KDM4C: variants seen among roughly 807,000 people sequenced by gnomAD.
The protein encoded by KDM4C is lysine demethylase 4C, also known as lysine-specific demethylase 4C.
Under a neutral mutation model 129.3 loss-of-function variants are expected in KDM4C, and 81 were observed. The observed-to-expected ratio is 0.63, with a 90% CI of 0.52 to 0.75. KDM4C has a LOEUF of 0.75. Among genes scored for constraint, KDM4C ranks in the 30% least tolerant of loss-of-function variants. The pLI is 0.00. For missense variants in KDM4C, 1,457 were observed against 1,304.0 expected, an observed-to-expected ratio of 1.12 and a Z score of -1.81; for synonymous variants, 573 against 456.1, an observed-to-expected ratio of 1.26 and a Z score of -3.26.
intron 8 of KDM4C, among the ~76,000 whole-genome samples, chr9:6,916,696 T>A (rs1002326941): frequency 6.6e-6 from 1 of 152,246 alleles, no homozygotes; most frequent in South Asian, 2.1e-4. Flanking sequence ...CAGTTCTAAC[T>A]TACAAAGAGA....
At chr9:6,895,819 A>G (rs993132830) in intron 8 of KDM4C, among the ~76,000 whole-genome samples, 1 of 152,244 alleles carries the variant, frequency 6.6e-6, no homozygotes, top group African/African-American at 2.4e-5. Context: ...AAACAGGAAA[A>G]TAACTTTATA....
At chr9:6,911,425 A>G (rs1186353347) in intron 8 of KDM4C, among the ~76,000 whole-genome samples, 1 of 152,246 alleles carries the variant, frequency 6.6e-6, no homozygotes, top group Non-Finnish European at 1.5e-5. Flanking sequence ...GATATTTGTA[A>G]TGATGACTGT....
At chr9:7,110,785 T>C (rs1019249878) in intron 18 of KDM4C, among the ~76,000 whole-genome samples, 2 of 152,198 alleles carry the variant, frequency 1.3e-5, no homozygotes, top group Admixed American at 1.3e-4. Flanking sequence ...ATCCCAAGAT[T>C]TTTAAACCGA....
chr9:6,911,271 G>A (rs966232947), intron 8 of KDM4C, among the ~76,000 whole-genome samples: 7 of 152,042 alleles, frequency 4.6e-5, no homozygotes, highest in African/African-American at 1.7e-4. Context: ...AAGACAAGAA[G>A]GTAGAAAATG....
Position 6,990,460 on chromosome 9 carries a change from A to G in KDM4C, c.1722A>G (p.Pro574=), listed in dbSNP as rs763995307. ...AAACCTCTAAGAGTTGGCGCCATCC[A>G]CTTAGCAGGCCTCCAGCAAGATCTC... ...ENKTSKSWRH[P]LSRPPARSPM... Residue 574 remains proline (P), a synonymous_variant, in exon 12 of 22, where the codon CCA becomes CCG. Transcript: ENST00000381309. 4 of 1,613,564 alleles carry G rather than the reference A, an allele frequency of 2.5e-6. No individual in the cohort carries two copies. Among genetic ancestry groups the G allele is most frequent in the African/African-American group, 2.7e-5 (2 of 74,796 alleles).
At chr9:6,855,192 G>A (rs1477750371) in intron 5 of KDM4C, among the ~76,000 whole-genome samples, 2 of 152,128 alleles carry the variant, frequency 1.3e-5, no homozygotes, top group Non-Finnish European at 2.9e-5. Context: ...CAGGCGCTGA[G>A]GCTCATGCCT....
At chr9:6,735,890 G>T (rs1443222601) in intron 1 of KDM4C, among the ~76,000 whole-genome samples, 2 of 152,182 alleles carry the variant, frequency 1.3e-5, no homozygotes, top group Non-Finnish European at 2.9e-5. Context: ...ATGTGGGAAA[G>T]TTTGGCACTC....
intron 12 of KDM4C, among the ~76,000 whole-genome samples, chr9:7,003,920 C>G (rs146903238): frequency 1.4e-4 from 21 of 152,272 alleles, no homozygotes; most frequent in African/African-American, 4.6e-4. Context: ...ACTACACCCC[C>G]CATTCCCTGC....
At chr9:6,871,737 A>G (rs1370548996) in intron 5 of KDM4C, among the ~76,000 whole-genome samples, 5 of 152,202 alleles carry the variant, frequency 3.3e-5, no homozygotes, top group Admixed American at 1.3e-4. Flanking sequence ...ATTGTGTCCC[A>G]TAATTTAGGG....
intron 8 of KDM4C, among the ~76,000 whole-genome samples, chr9:6,971,114 G>A (rs1369754931): frequency 2.0e-5 from 3 of 152,152 alleles, no homozygotes; most frequent in Non-Finnish European, 4.4e-5. Context: ...AGCCACATCT[G>A]AAGAAATAAG....
chr9:6,751,196 A>C (rs1818053467), intron 1 of KDM4C, among the ~76,000 whole-genome samples: 1 of 152,216 alleles, frequency 6.6e-6, no homozygotes, highest in Non-Finnish European at 1.5e-5. Flanking sequence ...CTGTAATCCC[A>C]GCACTTTGGG....
In KDM4C at chr9:7,085,940, G is replaced by C. The variant is rs565022696; in HGVS notation, c.2425-17745G>C. On this transcript the variant is annotated intron_variant, in intron 17 of 21. Coordinates refer to ENST00000381309, the MANE Select transcript of KDM4C (RefSeq NM_015061.6). Reference sequence around the variant, plus strand: ...GGAGGCCGAGGCAGGTGGATCGCCTGAAGTCAGGAGTTCGAGACCAGCCTG... The same window carrying C: ...GGAGGCCGAGGCAGGTGGATCGCCTCAAGTCAGGAGTTCGAGACCAGCCTG... 1.8e-4 allele frequency among the ~76,000 whole-genome samples: 27 copies of C among 152,248 alleles called. No individual in the cohort carries two copies. The South Asian group carries it at 4.2e-3, about 23-fold the overall frequency.
intron 16 of KDM4C, among the ~76,000 whole-genome samples, chr9:7,048,373 AG>A (rs1476163421): frequency 6.6e-6 from 1 of 152,108 alleles, no homozygotes; most frequent in Non-Finnish European, 1.5e-5. Context: ...GCTTAAAAAT[AG>A]GTTGATGGAT....
At chr9:6,943,963 A>G (rs1826423327) in intron 8 of KDM4C, among the ~76,000 whole-genome samples, 1 of 152,164 alleles carries the variant, frequency 6.6e-6, no homozygotes, top group African/African-American at 2.4e-5. Context: ...CTCCAGACAG[A>G]CTTTTACCTG....
In KDM4C at chr9:6,757,999, C is replaced by T. The variant is rs1488957930; in HGVS notation, c.-222C>T. 5.3e-5 allele frequency: 52 copies of T among 985,296 alleles called. No homozygotes were observed. Among genetic ancestry groups the T allele is most frequent in the Non-Finnish European group, 6.3e-5 (52 of 829,928 alleles). The allele number at this position is 985,296 out of a possible 1,614,324, so 61.0% of individuals were successfully genotyped here. A position where few individuals can be genotyped will look rare whatever the true frequency, so the allele number is the denominator to read the frequency against. The stretch of plus-strand genomic sequence containing the variant: ...GAGCCGGCGGTGCGCGCGCCTTCGC[C>T]GCTGCCTCCCACCCACCCCCTCGAC... On this transcript the variant is annotated 5_prime_UTR_variant, in exon 1 of 22. Transcript: ENST00000381309.
chr9:6,720,915 C>G, exon 1 of KDM4C: 1 of 1,545,882 alleles, frequency 6.5e-7, no homozygotes, highest in Non-Finnish European at 8.8e-7. Flanking sequence ...TTGGAGTGTT[C>G]TGCATTCATG....
chr9:6,754,427 G>A (rs1442771990), upstream of KDM4C, among the ~76,000 whole-genome samples: 1 of 151,928 alleles, frequency 6.6e-6, no homozygotes, highest in Non-Finnish European at 1.5e-5. Flanking sequence ...TATCTAGGCT[G>A]GTCTTGAACT....
Position 7,128,074 on chromosome 9 carries a change from G to A in KDM4C, c.2619G>A (p.Lys873=), listed in dbSNP as rs1840210832. 6.4e-7 allele frequency: 1 copy of A among 1,561,212 alleles called. No individual in the cohort carries two copies. Among genetic ancestry groups the A allele is most frequent in the Admixed American group, 1.9e-5 (1 of 53,542 alleles). Residue 873 remains lysine, a synonymous_variant, in exon 19 of 22, where the codon AAG becomes AAA. Coordinates refer to ENST00000381309, the MANE Select transcript of KDM4C (RefSeq NM_015061.6). ...TGTGTCCCTTCTTTTAGAAGTCCAA[G>A]GCTTGCGAGAAGGTCATTTCCGTGG... The part of the protein sequence containing the change: ...RHKVNPNVKS[K]ACEKVISVGQ...
chr9:6,901,772 A>T (rs1044795713), intron 8 of KDM4C, among the ~76,000 whole-genome samples: 2 of 152,230 alleles, frequency 1.3e-5, no homozygotes. Flanking sequence ...TGTGCTTCTG[A>T]TACCTCATTT....
Sources: gnomAD v4.1 joint callset for allele counts (sites outside exome capture counted in the v4.1 genomes callset) on GRCh38, gnomAD v4.1.1 for gene constraint, MANE v1.5 for transcripts, NCBI Gene and HGNC (gene_info 2026-07-23, HGNC 2026-07-21) for gene names.